HSPA12A: variants seen among roughly 807,000 people sequenced by gnomAD.
The protein encoded by HSPA12A is heat shock 70 kDa protein 12A.
HSPA12A carries 28 observed loss-of-function variants against 69.2 expected under a neutral mutation model. The ratio of observed to expected loss-of-function variants is 0.40; its 90% CI spans 0.30 to 0.55. The LOEUF (loss-of-function observed/expected upper bound fraction) is 0.55. HSPA12A is among the 20% of genes least tolerant of loss of function. The pLI, the probability that HSPA12A is intolerant of heterozygous loss-of-function variation, is 0.38. For missense variants in HSPA12A, 686 were observed against 900.7 expected (o/e 0.76, Z 3.05); for synonymous variants, 345 against 370.5 (o/e 0.93, Z 0.79).
upstream of HSPA12A, among the ~76,000 whole-genome samples, chr10:116,745,632 C>T (rs1851631383): frequency 6.6e-6 from 1 of 152,160 alleles, no homozygotes; most frequent in African/African-American, 2.4e-5. Flanking sequence ...CAAGGGCCTG[C>T]CCTCAGGTCC....
chr10:116,746,515 A>G (rs1184975044), upstream of HSPA12A, among the ~76,000 whole-genome samples: 3 of 152,214 alleles, frequency 2.0e-5, no homozygotes, highest in South Asian at 2.1e-4. Flanking sequence ...CCAGGGCTCA[A>G]GTGGGCTCAG....
At chr10:116,718,821 T>C (rs1554884071) in intron 1 of HSPA12A, among the ~76,000 whole-genome samples, 1 of 151,652 alleles carries the variant, frequency 6.6e-6, no homozygotes, top group East Asian at 2.0e-4. Flanking sequence ...AGGTACTAAG[T>C]TTCCCGCAAG....
At chr10:116,706,019 C>T (rs551995701) in intron 2 of HSPA12A, among the ~76,000 whole-genome samples, 1 of 151,868 alleles carries the variant, frequency 6.6e-6, no homozygotes, top group East Asian at 1.9e-4. Context: ...CTCAGCCTCC[C>T]GAGTAGCTGG....
chr10:116,752,933 T>A (rs1172487328), intron 2 of HSPA12A, among the ~76,000 whole-genome samples: 1 of 152,208 alleles, frequency 6.6e-6, no homozygotes, highest in East Asian at 1.9e-4. Context: ...CCTGCCTGAG[T>A]GAGGCAGGAG....
At position 116,686,741 on chromosome 10, in the gene HSPA12A, T is replaced by C. The variant is rs1554879569; in HGVS notation, c.664-2779A>G. Among the ~76,000 whole-genome samples the C allele has an allele frequency of 6.6e-6, 1 of 151,730 alleles. No homozygotes were observed. The highest frequency in any genetic ancestry group is 1.5e-5 in the Non-Finnish European group (1 of 67,954). ...CCCCTTGTCCCCTCTTCCCACACTG[T>C]AAGTCCCACTCCTCATCCCTCTTCC... On this transcript the variant is annotated intron_variant, in intron 6 of 11. Coordinates refer to ENST00000369209, the MANE Select transcript of HSPA12A (RefSeq NM_025015.3). The surrounding 1 kb of genome is among the most constrained non-coding windows in gnomAD (Gnocchi z 4.1).
At chr10:116,816,397 G>A (rs1306385512) in intron 2 of HSPA12A, among the ~76,000 whole-genome samples, 2 of 152,264 alleles carry the variant, frequency 1.3e-5, no homozygotes, top group African/African-American at 4.8e-5. Flanking sequence ...TTGGCCATGT[G>A]CCAGGCAATG....
At chr10:116,819,644 G>A (rs1845374168) in intron 2 of HSPA12A, among the ~76,000 whole-genome samples, 1 of 152,168 alleles carries the variant, frequency 6.6e-6, no homozygotes, top group Admixed American at 6.5e-5. Context: ...TCTGTTGTTT[G>A]TAAATTACTC....
At chr10:116,714,042 G>A (rs1156957489) in intron 1 of HSPA12A, among the ~76,000 whole-genome samples, 1 of 151,386 alleles carries the variant, frequency 6.6e-6, no homozygotes, top group Non-Finnish European at 1.5e-5. Flanking sequence ...ATGGGTGGGT[G>A]GATGGTGGGT....
intron 1 of HSPA12A, among the ~76,000 whole-genome samples, chr10:116,846,481 C>G (rs1003911664): frequency 3.3e-5 from 5 of 152,056 alleles, no homozygotes; most frequent in Non-Finnish European, 5.9e-5. Flanking sequence ...TCCCGAGTAG[C>G]TGGGACCACA....
intron 1 of HSPA12A, among the ~76,000 whole-genome samples, chr10:116,848,385 G>A (rs1845941035): frequency 6.6e-6 from 1 of 152,220 alleles, no homozygotes; most frequent in Admixed American, 6.5e-5. Flanking sequence ...GCACCCATAC[G>A]TGCATGTATT....
intron 2 of HSPA12A, among the ~76,000 whole-genome samples, chr10:116,776,155 C>T (rs1204046865): frequency 1.3e-5 from 2 of 152,218 alleles, no homozygotes. Context: ...ACCTCACCCC[C>T]TCCCTGCCTC....
intron 1 of HSPA12A, among the ~76,000 whole-genome samples, chr10:116,737,296 T>G (rs577404879): frequency 6.6e-6 from 1 of 152,300 alleles, no homozygotes; most frequent in South Asian, 2.1e-4. Context: ...TGTACCAGGC[T>G]CATACCTAAG....
chr10:116,828,060 G>A (rs964424665), intron 2 of HSPA12A, among the ~76,000 whole-genome samples: 1 of 152,118 alleles, frequency 6.6e-6, no homozygotes, highest in African/African-American at 2.4e-5. Context: ...TTTCAGTTCT[G>A]TTTCTCAAAT....
rs1554876929 is a variant in HSPA12A, at chr10:116,672,783, A to C, written c.*1998T>G. 1.3e-5 allele frequency: 2 copies of C among 152,674 alleles called. No individual in the cohort carries two copies. Among genetic ancestry groups the C allele is most frequent in the Non-Finnish European group, 2.9e-5 (2 of 68,050 alleles). The allele number at this position is 152,674 out of a possible 1,614,324, so 9.5% of individuals were successfully genotyped here. Reference sequence around the variant, plus strand: ...TTGTAGAATATGGCTGGCAACAAAGAAAGACCCATACCATTTAGCGTTTGA... The same window carrying C: ...TTGTAGAATATGGCTGGCAACAAAGCAAGACCCATACCATTTAGCGTTTGA... On this transcript the variant is annotated 3_prime_UTR_variant, in exon 12 of 12. Coordinates refer to ENST00000369209, the MANE Select transcript of HSPA12A (RefSeq NM_025015.3).
intron 2 of HSPA12A, among the ~76,000 whole-genome samples, chr10:116,768,681 T>A (rs1009410122): frequency 1.3e-5 from 2 of 152,140 alleles, no homozygotes; most frequent in African/African-American, 2.4e-5. Context: ...CTTTTATTTT[T>A]GTAGAGTTGG....
At chr10:116,698,576 A>G in intron 5 of HSPA12A, 59 bp downstream of exon 5, 7 of 1,357,114 alleles carry the variant, frequency 5.2e-6, no homozygotes, top group South Asian at 2.4e-5. Context: ...CGAGACACGG[A>G]GCTGGCACGG....
Position 116,739,231 on chromosome 10 carries a change from G to A in HSPA12A, c.40+3199C>T, listed in dbSNP as rs543911685. Among the ~76,000 whole-genome samples, 37 of 152,256 alleles carry A rather than the reference G, an allele frequency of 2.4e-4. 1 individual carries two copies. The highest frequency in any genetic ancestry group is 2.1e-3 in the East Asian group (11 of 5,174). ...TACCTAGGCCCCCTTCCAGCTGTGC[G>A]CTGCTAGGACTGTCAGCTTTTTCCT... On this transcript the variant is annotated intron_variant, in intron 1 of 11. Transcript: ENST00000369209.
At chr10:116,827,902 C>A (rs1845540212) in intron 2 of HSPA12A, among the ~76,000 whole-genome samples, 1 of 152,202 alleles carries the variant, frequency 6.6e-6, no homozygotes, top group Admixed American at 6.5e-5. Flanking sequence ...TCCGCCCAAC[C>A]CTTCTCCTGC....
intron 1 of HSPA12A, among the ~76,000 whole-genome samples, chr10:116,843,020 A>G (rs1564837999): frequency 6.6e-6 from 1 of 152,194 alleles, no homozygotes; most frequent in Non-Finnish European, 1.5e-5. Flanking sequence ...AAAAATACCA[A>G]TTAAACTGCC....
Sources: allele counts gnomAD v4.1 joint callset (sites outside exome capture counted in the v4.1 genomes callset), GRCh38; gene constraint gnomAD v4.1.1; non-coding constraint Gnocchi (gnomAD v3.1); transcripts MANE v1.5; gene names NCBI Gene and HGNC (gene_info 2026-07-23, HGNC 2026-07-21).